Variants in RRP15 observed in about 807,000 individuals in gnomAD.
RRP15 encodes the protein ribosomal RNA processing 15 homolog.
A neutral mutation model predicts 27.1 loss-of-function variants in RRP15; 18 were observed. That is an observed-to-expected ratio of 0.66 (90% CI 0.46 to 0.98). The LOEUF (loss-of-function observed/expected upper bound fraction) is 0.98, where lower values mean the gene tolerates loss of function less well. Among genes scored for constraint, RRP15 ranks in the 50% least tolerant of loss-of-function variants. The pLI, the probability that RRP15 is intolerant of heterozygous loss-of-function variation, is 0.00. For missense variants in RRP15, 359 were observed against 337.8 expected, an observed-to-expected ratio of 1.06 and a Z score of -0.49; for synonymous variants, 107 against 109.4, an observed-to-expected ratio of 0.98 and a Z score of 0.14.
intron 4 of RRP15, among the ~76,000 whole-genome samples, chr1:218,314,059 T>C (rs1656042930): frequency 6.6e-6 from 1 of 151,928 alleles, no homozygotes; most frequent in Admixed American, 6.6e-5. Context: ...CTTGCTATGC[T>C]GCCCAGCCTG....
intron 1 of RRP15, among the ~76,000 whole-genome samples, chr1:218,290,329 A>G (rs1339651269): frequency 6.6e-6 from 1 of 152,222 alleles, no homozygotes; most frequent in Non-Finnish European, 1.5e-5. Flanking sequence ...GAATCCCTGA[A>G]TTAGTGAACC....
chr1:218,296,575 G>T (rs138524881), intron 1 of RRP15, among the ~76,000 whole-genome samples: 1 of 151,634 alleles, frequency 6.6e-6, no homozygotes, highest in Non-Finnish European at 1.5e-5. Flanking sequence ...GAGCCTGGGA[G>T]ATAGGCTGCA....
chr1:218,328,779 G>C (rs1180877682), intron 4 of RRP15, among the ~76,000 whole-genome samples: 2 of 152,142 alleles, frequency 1.3e-5, no homozygotes, highest in African/African-American at 4.8e-5. Context: ...TCCAACTAGA[G>C]GTTGGTTGTC....
intron 1 of RRP15, chr1:218,301,541 A>G (rs1274326959): frequency 1.3e-5 from 2 of 152,264 alleles, no homozygotes; most frequent in African/African-American, 4.8e-5. Context: ...TAAATGATGA[A>G]CTAGTTTGCT....
chr1:218,311,468 G>C (rs552737620), intron 4 of RRP15, among the ~76,000 whole-genome samples: 82 of 152,158 alleles, frequency 5.4e-4, no homozygotes, highest in African/African-American at 1.6e-3. Flanking sequence ...GTTATCACTT[G>C]CCTTTTTTTT....
chr1:218,315,508 A>G (rs1032044513), intron 4 of RRP15, among the ~76,000 whole-genome samples: 91 of 151,706 alleles, frequency 6.0e-4, no homozygotes, highest in African/African-American at 1.9e-3. Context: ...GCTTACTGCA[A>G]CCTCTGCCTC....
At chr1:218,302,099 G>A (rs11118073) in intron 1 of RRP15, 195 bp from the exon 2 acceptor site, 54 of 518,878 alleles carry the variant, frequency 1.0e-4, no homozygotes, top group South Asian at 5.9e-4. Context: ...GTGGCTGGGC[G>A]AGGTCTCTGG....
At chr1:218,288,082 A>T (rs1374733445) in intron 1 of RRP15, among the ~76,000 whole-genome samples, 2 of 152,228 alleles carry the variant, frequency 1.3e-5, no homozygotes, top group African/African-American at 4.8e-5. Flanking sequence ...AAAGTAGATT[A>T]TAAAGGGCCT....
Position 218,331,419 on chromosome 1 carries a change from G to A in RRP15, c.*328G>A, listed in dbSNP as rs894741120. The A allele has an allele frequency of 5.9e-6, 1 of 170,136 alleles. No homozygotes were observed. The highest frequency in any genetic ancestry group is 2.4e-5 in the African/African-American group (1 of 41,928). The allele number at this position is 170,136 out of a possible 1,614,324, so 10.5% of individuals were successfully genotyped here. On this transcript the variant is annotated 3_prime_UTR_variant, in exon 5 of 5. Transcript: ENST00000366932. ...TATCACCAATGTTTTCAGAAATACA[G>A]TACTAATTCATCATTAAACTCTTTG...
chr1:218,290,149 G>GT (rs969665125), intron 1 of RRP15, among the ~76,000 whole-genome samples: 5 of 151,818 alleles, frequency 3.3e-5, no homozygotes, highest in South Asian at 2.1e-4. Context: ...ATAGACAGGT[G>GT]TTTTTTTTAA....
At chr1:218,293,389 A>G (rs1253879792) in intron 1 of RRP15, among the ~76,000 whole-genome samples, 17 of 152,208 alleles carry the variant, frequency 1.1e-4, no homozygotes, top group Non-Finnish European at 1.5e-5. Flanking sequence ...GGTCTTGGTT[A>G]AACTATTAAG....
At chr1:218,289,499 G>C (rs769045376) in intron 1 of RRP15, among the ~76,000 whole-genome samples, 10 of 152,078 alleles carry the variant, frequency 6.6e-5, no homozygotes, top group Admixed American at 3.3e-4. Context: ...TGTCTGCTTG[G>C]TTATGCCATA....
chr1:218,317,622 T>G (rs1244577399), intron 4 of RRP15, among the ~76,000 whole-genome samples: 2 of 152,176 alleles, frequency 1.3e-5, no homozygotes, highest in Non-Finnish European at 2.9e-5. Context: ...TGACTTTCTC[T>G]TCATTTGTCA....
intron 4 of RRP15, among the ~76,000 whole-genome samples, chr1:218,318,923 T>G (rs938945173): frequency 6.6e-6 from 1 of 151,798 alleles, no homozygotes. Flanking sequence ...ATTTTCTCAT[T>G]TGTTTTCTAA....
chr1:218,318,183 T>C (rs534918493), intron 4 of RRP15, among the ~76,000 whole-genome samples: 3 of 152,314 alleles, frequency 2.0e-5, no homozygotes, highest in African/African-American at 7.2e-5. Context: ...TTTTTGTTTG[T>C]TTAGGTTGAT....
chr1:218,323,041 G>C (rs1016383578), intron 4 of RRP15, among the ~76,000 whole-genome samples: 1 of 152,140 alleles, frequency 6.6e-6, no homozygotes. Context: ...TTCCATGGCC[G>C]ACACCAGGGA....
At chr1:218,315,043 A>G (rs139500959) in intron 4 of RRP15, among the ~76,000 whole-genome samples, 5,475 of 151,994 alleles carry the variant, frequency 0.036, 147 homozygotes, top group Middle Eastern at 0.061. Context: ...ATTGCTAGAC[A>G]ATAATTTTTA....
At chr1:218,306,445 G>A (rs1250775972) in intron 3 of RRP15, among the ~76,000 whole-genome samples, 2 of 152,078 alleles carry the variant, frequency 1.3e-5, no homozygotes, top group African/African-American at 4.8e-5. Flanking sequence ...ATCCCTCAAG[G>A]TCACTACCTA....
intron 3 of RRP15, among the ~76,000 whole-genome samples, chr1:218,306,407 G>C (rs753151050): frequency 2.0e-5 from 3 of 152,138 alleles, no homozygotes; most frequent in Non-Finnish European, 2.9e-5. Flanking sequence ...TAACAAGCCT[G>C]CTCTTTGTCG....
Sources: gnomAD v4.1 joint callset for allele counts (sites outside exome capture counted in the v4.1 genomes callset) on GRCh38, gnomAD v4.1.1 for gene constraint, MANE v1.5 for transcripts, NCBI Gene and HGNC (gene_info 2026-07-23, HGNC 2026-07-21) for gene names.